SPTBN1: variants seen among roughly 807,000 people sequenced by gnomAD.
SPTBN1 encodes spectrin beta chain, non-erythrocytic 1.
In SPTBN1, 32 loss-of-function variants were observed where a neutral mutation model predicts 266.4. That is an observed-to-expected ratio of 0.12 (90% CI 0.09 to 0.16). The LOEUF is 0.16. Among genes scored for constraint, SPTBN1 ranks in the 10% least tolerant of loss-of-function variants. SPTBN1 has a pLI of 1.00. For missense variants in SPTBN1, 2,296 were observed against 3,067.1 expected, an observed-to-expected ratio of 0.75 and a Z score of 5.94; for synonymous variants, 1,336 against 1,162.2, an observed-to-expected ratio of 1.15 and a Z score of -3.04.
In SPTBN1 at chr2:54,558,157, C is replaced by A; in HGVS notation, c.148+31591C>A. ...TCTGTTTGGGAAGGCACTACCGCGGCGAGTCCAGGGCCCGGCCGGGGGTCG... is the reference window on the plus strand; with the variant it reads ...TCTGTTTGGGAAGGCACTACCGCGGAGAGTCCAGGGCCCGGCCGGGGGTCG... On this transcript the variant is annotated intron_variant, in intron 2 of 35. Coordinates refer to ENST00000356805, the MANE Select transcript of SPTBN1 (RefSeq NM_003128.3). This position sits in a 1 kb window ranked among gnomAD's most constrained non-coding sequence, Gnocchi z 4.6. The A allele has an allele frequency of 3.0e-6, 3 of 985,378 alleles. No individual in the cohort carries two copies. The highest frequency in any genetic ancestry group is 3.6e-6 in the Non-Finnish European group (3 of 829,902). The allele number at this position is 985,378 out of a possible 1,614,324, so 61.0% of individuals were successfully genotyped here.
At chr2:54,513,029 A>G (rs1023896697) in intron 1 of SPTBN1, among the ~76,000 whole-genome samples, 6 of 152,136 alleles carry the variant, frequency 3.9e-5, no homozygotes, top group African/African-American at 1.4e-4. Flanking sequence ...CTGGCTCTAC[A>G]GAAGATACAA....
At chr2:54,459,910 TG>T (rs1693273263) in intron 1 of SPTBN1, among the ~76,000 whole-genome samples, 1 of 152,230 alleles carries the variant, frequency 6.6e-6, no homozygotes, top group Non-Finnish European at 1.5e-5. Flanking sequence ...CGGTAGCACT[TG>T]TAATTATATT....
At position 54,637,798 on chromosome 2, in the gene SPTBN1, C is replaced by A; in HGVS notation, c.3853C>A (p.Gln1285Lys). The A allele has an allele frequency of 1.9e-6, 3 of 1,613,254 alleles. No individual in the cohort carries two copies. Among genetic ancestry groups the A allele is most frequent in the South Asian group, 2.2e-5 (2 of 90,950 alleles). Residue 1285 changes from glutamine to lysine, a missense_variant, in exon 18 of 36, where the codon CAA becomes AAA. Coordinates refer to ENST00000356805, the MANE Select transcript of SPTBN1 (RefSeq NM_003128.3). ...RDLQKFLQDC[Q>K]ELSLWINEKM... ...TCTACAGAAATTCCTGCAAGATTGT[C>A]AAGAGGTATGTTACTCTTTAATCCC...
At chr2:54,635,776 A>G (rs1679081338) in intron 17 of SPTBN1, among the ~76,000 whole-genome samples, 1 of 152,232 alleles carries the variant, frequency 6.6e-6, no homozygotes, top group African/African-American at 2.4e-5. Context: ...TGCATTTGTC[A>G]CTAAACTCCA....
Position 54,572,851 on chromosome 2 carries a change from C to G in SPTBN1, c.149-26241C>G, listed in dbSNP as rs1046721752. ...GCAGTCTTTATCAGGGTAGTAAATT[C>G]AGATGGGTTTTTGGAAAGGGAGAGG... On this transcript the variant is annotated intron_variant, in intron 2 of 35. Coordinates refer to ENST00000356805, the MANE Select transcript of SPTBN1 (RefSeq NM_003128.3). Among the ~76,000 whole-genome samples the G allele has an allele frequency of 2.0e-5, 3 of 152,122 alleles. No individual in the cohort carries two copies. The East Asian group carries it at 5.8e-4, about 29-fold the overall frequency.
intron 1 of SPTBN1, among the ~76,000 whole-genome samples, chr2:54,493,088 C>T (rs1031475290): frequency 1.3e-5 from 2 of 150,470 alleles, no homozygotes; most frequent in African/African-American, 4.9e-5. Context: ...TCACTGCAAC[C>T]TCCGCTTCCT....
chr2:54,500,157 G>A (rs919101074), intron 1 of SPTBN1, among the ~76,000 whole-genome samples: 6 of 152,186 alleles, frequency 3.9e-5, no homozygotes, highest in African/African-American at 1.4e-4. Flanking sequence ...AAGTAGTCAC[G>A]TTTGTTAGGT....
At chr2:54,517,550 T>C (rs762159170) in intron 1 of SPTBN1, among the ~76,000 whole-genome samples, 4 of 152,192 alleles carry the variant, frequency 2.6e-5, no homozygotes, top group Non-Finnish European at 5.9e-5. Context: ...AGTTTAGTAA[T>C]TTAATAATTA....
At chr2:54,531,465 T>G (rs11885098) in intron 2 of SPTBN1, among the ~76,000 whole-genome samples, 6,015 of 152,238 alleles carry the variant, frequency 0.04, 334 homozygotes, top group African/African-American at 0.13. Flanking sequence ...TCTGTGTTGC[T>G]CAGGCTAGAG....
At chr2:54,532,241 A>G (rs1671300216) in intron 2 of SPTBN1, among the ~76,000 whole-genome samples, 1 of 152,178 alleles carries the variant, frequency 6.6e-6, no homozygotes, top group Non-Finnish European at 1.5e-5. Flanking sequence ...GTGAGCCGAG[A>G]TCACGCCACT....
intron 1 of SPTBN1, among the ~76,000 whole-genome samples, chr2:54,490,617 C>T (rs1172686149): frequency 2.0e-5 from 3 of 152,144 alleles, no homozygotes; most frequent in African/African-American, 7.2e-5. Flanking sequence ...TAGTAGCGGA[C>T]ATGCTTTATT....
At chr2:54,634,969 C>T (rs1277774895) in intron 17 of SPTBN1, among the ~76,000 whole-genome samples, 1 of 152,158 alleles carries the variant, frequency 6.6e-6, no homozygotes, top group Non-Finnish European at 1.5e-5. Flanking sequence ...TCATGGGGAG[C>T]AAGGAACAGT....
intron 2 of SPTBN1, among the ~76,000 whole-genome samples, chr2:54,585,714 A>G (rs1156755317): frequency 6.6e-6 from 1 of 152,222 alleles, no homozygotes; most frequent in Non-Finnish European, 1.5e-5. Flanking sequence ...ATTTTTAAAG[A>G]GAGAACTCTT....
intron 1 of SPTBN1, among the ~76,000 whole-genome samples, chr2:54,464,585 T>G (rs1461506580): frequency 6.6e-6 from 1 of 152,238 alleles, no homozygotes; most frequent in African/African-American, 2.4e-5. Context: ...TTTTTGAGTT[T>G]TGAAATATTT....
chr2:54,543,875 T>C (rs1258917970), intron 2 of SPTBN1, among the ~76,000 whole-genome samples: 1 of 152,118 alleles, frequency 6.6e-6, no homozygotes, highest in East Asian at 1.9e-4. Flanking sequence ...ATGGTCAGTG[T>C]AGAACAATCC....
chr2:54,524,683 A>G (rs1489645680), intron 1 of SPTBN1, among the ~76,000 whole-genome samples: 2 of 152,098 alleles, frequency 1.3e-5, no homozygotes, highest in Non-Finnish European at 2.9e-5. Context: ...TTAGCTTAAA[A>G]TCCTGCAGTT....
At chr2:54,526,894 A>T (rs919382857) in intron 2 of SPTBN1, 2 of 197,790 alleles carry the variant, frequency 1.0e-5, no homozygotes, top group African/African-American at 4.7e-5. Flanking sequence ...TATACTCAAA[A>T]ATATACAAAT....
intron 32 of SPTBN1, chr2:54,661,601 A>G (rs1333435750): frequency 1.0e-6 from 1 of 985,884 alleles, no homozygotes; most frequent in Non-Finnish European, 1.2e-6. Context: ...TCTCTGCCTT[A>G]AAACACATCA....
intron 1 of SPTBN1, among the ~76,000 whole-genome samples, chr2:54,511,726 T>A (rs1347476487): frequency 1.3e-5 from 2 of 151,670 alleles, no homozygotes; most frequent in African/African-American, 4.8e-5. Context: ...TAGCCAGGTG[T>A]GGTGGTGGCG....
Sources: gnomAD v4.1 joint callset for allele counts (sites outside exome capture counted in the v4.1 genomes callset) on GRCh38, gnomAD v4.1.1 for gene constraint, Gnocchi (gnomAD v3.1) non-coding constraint, MANE v1.5 for transcripts, NCBI Gene and HGNC (gene_info 2026-07-23, HGNC 2026-07-21) for gene names.